Variants in RBFOX1 observed in about 807,000 individuals in gnomAD.
The protein encoded by RBFOX1 is RNA binding fox-1 homolog 1.
RBFOX1 carries 8 observed loss-of-function variants against 57.7 expected under a neutral mutation model. The ratio of observed to expected loss-of-function variants is 0.14; its 90% confidence interval spans 0.08 to 0.25. RBFOX1 has a LOEUF of 0.25. Among genes scored for constraint, RBFOX1 ranks in the 10% least tolerant of loss-of-function variants. The pLI, the probability that RBFOX1 is intolerant of heterozygous loss-of-function variation, is 1.00. For missense variants in RBFOX1, 611 were observed against 548.5 expected (o/e 1.11, Z -1.14); for synonymous variants, 326 against 222.4 (o/e 1.47, Z -4.15).
chr16:6,044,691 A>G (rs1448561448), intron 1 of RBFOX1, among the ~76,000 whole-genome samples: 2 of 152,124 alleles, frequency 1.3e-5, no homozygotes, highest in African/African-American at 2.4e-5. Flanking sequence ...TGCGGAAACT[A>G]TTATATAATG....
intron 4 of RBFOX1, among the ~76,000 whole-genome samples, chr16:7,107,965 T>A (rs1567285842): frequency 6.7e-6 from 1 of 149,036 alleles, no homozygotes; most frequent in Non-Finnish European, 1.5e-5. Context: ...CATTATTATT[T>A]TGAAAAATGC....
intron 4 of RBFOX1, among the ~76,000 whole-genome samples, chr16:7,414,859 C>G (rs1436411941): frequency 1.3e-5 from 2 of 152,148 alleles, no homozygotes; most frequent in Non-Finnish European, 2.9e-5. Flanking sequence ...CTCAGGTGAT[C>G]CGTTTCCTTC....
chr16:5,676,057 C>T (rs544433964), intron 3 of RBFOX1, among the ~76,000 whole-genome samples: 4 of 152,044 alleles, frequency 2.6e-5, no homozygotes, highest in African/African-American at 7.2e-5. Context: ...ACATGGTGAT[C>T]GGGAGGGAAC....
At chr16:5,659,375 C>T (rs1191768334) in intron 3 of RBFOX1, among the ~76,000 whole-genome samples, 1 of 151,056 alleles carries the variant, frequency 6.6e-6, no homozygotes, top group Non-Finnish European at 1.5e-5. Context: ...GCCATCCCCG[C>T]TCACTGCAAC....
chr16:6,415,144 G>A (rs777534427), intron 2 of RBFOX1, among the ~76,000 whole-genome samples: 64 of 151,050 alleles, frequency 4.2e-4, no homozygotes, highest in Non-Finnish European at 8.8e-4. Flanking sequence ...TAGGGAGGCT[G>A]AGGCAGGAGA....
intron 2 of RBFOX1, among the ~76,000 whole-genome samples, chr16:6,434,555 C>A (rs72760924): frequency 0.017 from 2,592 of 152,268 alleles, 44 homozygotes; most frequent in Non-Finnish European, 0.024. Context: ...GTGCCTGGCA[C>A]ATAGGAAGCA....
intron 3 of RBFOX1, among the ~76,000 whole-genome samples, chr16:6,851,523 T>C (rs114329308): frequency 3.3e-5 from 5 of 152,304 alleles, no homozygotes; most frequent in African/African-American, 1.2e-4. Flanking sequence ...TCACAACATA[T>C]TTTACATATT....
At chr16:7,309,579 C>A (rs1401733052) in intron 4 of RBFOX1, among the ~76,000 whole-genome samples, 1 of 152,058 alleles carries the variant, frequency 6.6e-6, no homozygotes, top group Non-Finnish European at 1.5e-5. Flanking sequence ...TACAGCTGAC[C>A]CTTGAGTAAT....
At chr16:7,183,397 G>C (rs541450444) in intron 4 of RBFOX1, among the ~76,000 whole-genome samples, 28 of 152,308 alleles carry the variant, frequency 1.8e-4, no homozygotes, top group African/African-American at 5.5e-4. Context: ...ACCAGCACTT[G>C]AGGCCAGTGG....
At chr16:6,607,360 T>G (rs1157058104) in intron 2 of RBFOX1, among the ~76,000 whole-genome samples, 1 of 152,184 alleles carries the variant, frequency 6.6e-6, no homozygotes, top group Non-Finnish European at 1.5e-5. Flanking sequence ...ATATAAATGT[T>G]ATAACCATAT....
At chr16:7,045,864 G>T (rs1393123945) in intron 3 of RBFOX1, among the ~76,000 whole-genome samples, 1 of 151,966 alleles carries the variant, frequency 6.6e-6, no homozygotes, top group Non-Finnish European at 1.5e-5. Context: ...TACCATGTTG[G>T]CCAGGTTCTT....
At chr16:7,048,514 C>T (rs750753604) in intron 3 of RBFOX1, among the ~76,000 whole-genome samples, 18 of 150,574 alleles carry the variant, frequency 1.2e-4, no homozygotes, top group African/African-American at 3.7e-4. Flanking sequence ...CCGCCTCAGC[C>T]TTCCAAAGTG....
At chr16:5,779,638 G>A (rs2054263501) in intron 3 of RBFOX1, among the ~76,000 whole-genome samples, 1 of 152,164 alleles carries the variant, frequency 6.6e-6, no homozygotes, top group Admixed American at 6.5e-5. Flanking sequence ...TCATTCTCCT[G>A]GGCTCATTGT....
intron 1 of RBFOX1, among the ~76,000 whole-genome samples, chr16:6,208,180 G>T (rs2097267800): frequency 6.6e-6 from 1 of 151,840 alleles, no homozygotes; most frequent in Non-Finnish European, 1.5e-5. Context: ...TGTAGAGTAT[G>T]ATCCATTTTT....
intron 4 of RBFOX1, among the ~76,000 whole-genome samples, chr16:5,877,384 G>A (rs558396793): frequency 1.6e-4 from 25 of 152,328 alleles, no homozygotes; most frequent in East Asian, 3.9e-4. Context: ...ATGAACAGAC[G>A]CTTTTAGCTA....
chr16:6,625,028 G>C (rs954475626), intron 2 of RBFOX1, among the ~76,000 whole-genome samples: 4 of 151,914 alleles, frequency 2.6e-5, no homozygotes, highest in African/African-American at 4.8e-5. Context: ...AGCTGGGTGT[G>C]GTGTCGCAGG....
chr16:5,737,178 C>T (rs1210586189), intron 3 of RBFOX1, among the ~76,000 whole-genome samples: 2 of 152,152 alleles, frequency 1.3e-5, no homozygotes, highest in South Asian at 2.1e-4. Flanking sequence ...GGTCTGTCGT[C>T]ATTTTTTTTA....
At chr16:6,509,707 C>G (rs182097026) in intron 2 of RBFOX1, among the ~76,000 whole-genome samples, 3 of 152,204 alleles carry the variant, frequency 2.0e-5, no homozygotes, top group African/African-American at 7.2e-5. Flanking sequence ...GTTTGCAGCA[C>G]AAAAGATTAA....
chr16:6,984,550 C>T (rs1261246187), intron 3 of RBFOX1, among the ~76,000 whole-genome samples: 2 of 152,086 alleles, frequency 1.3e-5, no homozygotes, highest in Non-Finnish European at 2.9e-5. Context: ...GTGCAGCAGC[C>T]CATTGAGTTC....
Sources: gnomAD v4.1 joint callset for allele counts (sites outside exome capture counted in the v4.1 genomes callset) on GRCh38, gnomAD v4.1.1 for gene constraint, MANE v1.5 for transcripts, NCBI Gene and HGNC (gene_info 2026-07-23, HGNC 2026-07-21) for gene names.